The following EYA4 variants were observed in gnomAD, a reference collection of about 807,000 sequenced individuals.
EYA4 encodes the protein EYA transcriptional coactivator and phosphatase 4, also known as protein phosphatase EYA4.
A neutral mutation model predicts 87.9 loss-of-function variants in EYA4; 31 were observed. The observed-to-expected ratio is 0.35, with a 90% CI of 0.27 to 0.48. The LOEUF is 0.48. Among genes scored for constraint, EYA4 ranks in the 20% least tolerant of loss-of-function variants. EYA4 has a pLI of 0.99. For synonymous variants in EYA4, 263 were observed against 270.6 expected, an observed-to-expected ratio of 0.97 and a Z score of 0.28; for missense variants, 678 against 761.4, an observed-to-expected ratio of 0.89 and a Z score of 1.29.
chr6:133,460,002 G>A (rs1170558381), intron 6 of EYA4, among the ~76,000 whole-genome samples: 1 of 152,012 alleles, frequency 6.6e-6, no homozygotes, highest in Admixed American at 6.6e-5. Flanking sequence ...TGTTTGTGAA[G>A]CAGATCACAA....
chr6:133,478,575 T>C (rs1475087090), intron 11 of EYA4, among the ~76,000 whole-genome samples: 2 of 152,126 alleles, frequency 1.3e-5, no homozygotes. Context: ...AAAAAAATTT[T>C]TAAAGAACAG....
At chr6:133,447,881 T>C (rs2128625435) in intron 4 of EYA4, among the ~76,000 whole-genome samples, 1 of 152,308 alleles carries the variant, frequency 6.6e-6, no homozygotes, top group African/African-American at 2.4e-5. Context: ...GTACAAATAA[T>C]AAAATTTAAA....
At chr6:133,361,276 A>T (rs1784430110) in intron 2 of EYA4, among the ~76,000 whole-genome samples, 1 of 152,188 alleles carries the variant, frequency 6.6e-6, no homozygotes, top group Admixed American at 6.5e-5. Flanking sequence ...AATAAAGATA[A>T]TGTCTTTCTT....
intron 19 of EYA4, among the ~76,000 whole-genome samples, chr6:133,527,254 T>G (rs1800716164): frequency 6.6e-6 from 1 of 152,234 alleles, no homozygotes; most frequent in African/African-American, 2.4e-5. Context: ...TTAAGTACTG[T>G]TTTGTTGTTA....
chr6:133,309,460 G>A (rs762488445), intron 2 of EYA4, among the ~76,000 whole-genome samples: 4 of 152,094 alleles, frequency 2.6e-5, no homozygotes, highest in Non-Finnish European at 5.9e-5. Context: ...CAAATGTGGT[G>A]GAAACATATT....
intron 2 of EYA4, among the ~76,000 whole-genome samples, chr6:133,325,696 A>G (rs1011064118): frequency 2.0e-5 from 3 of 152,174 alleles, no homozygotes; most frequent in Admixed American, 2.0e-4. Flanking sequence ...ATATTTCTCT[A>G]AGGCAGGGGT....
chr6:133,407,365 A>G (rs1217090506), intron 3 of EYA4, among the ~76,000 whole-genome samples: 1 of 151,672 alleles, frequency 6.6e-6, no homozygotes, highest in Non-Finnish European at 1.5e-5. Flanking sequence ...TAAATGTTGA[A>G]TGGGAGGATA....
chr6:133,485,605 T>C (rs1231569653), intron 13 of EYA4, among the ~76,000 whole-genome samples: 3 of 152,170 alleles, frequency 2.0e-5, no homozygotes, highest in Non-Finnish European at 4.4e-5. Flanking sequence ...AGGAATGCAA[T>C]AGAAAAGTAA....
intron 17 of EYA4, among the ~76,000 whole-genome samples, chr6:133,516,722 CA>C (rs58268978): frequency 1.4e-3 from 176 of 122,794 alleles, no homozygotes; most frequent in Admixed American, 1.7e-3. Flanking sequence ...GACTCTGTCT[CA>C]AAAAAAAAAA....
chr6:133,292,720 CT>C (rs1374452295), intron 2 of EYA4, among the ~76,000 whole-genome samples: 2 of 152,190 alleles, frequency 1.3e-5, no homozygotes, highest in African/African-American at 4.8e-5. Flanking sequence ...ATTAAAGCAT[CT>C]TTAAACAATA....
rs555226156 is a variant in EYA4 at position 133,499,480 on chromosome 6, C to A, written c.1192-6626C>A. Among the ~76,000 whole-genome samples, 20 of 152,278 alleles carry A rather than the reference C, an allele frequency of 1.3e-4. No homozygotes were observed. In the South Asian group the frequency reaches 4.1e-3, roughly 32 times the overall value. On this transcript the variant is annotated intron_variant, in intron 13 of 19. Coordinates refer to ENST00000355286, the MANE Select transcript of EYA4 (RefSeq NM_004100.5). The stretch of plus-strand genomic sequence containing the variant: ...GTTATTAGTTTAATACATTTGGATT[C>A]CCTTCTGACTGAAACTGTAGAAGCC...
chr6:133,496,992 C>G (rs1335511743), intron 13 of EYA4, among the ~76,000 whole-genome samples: 1 of 152,092 alleles, frequency 6.6e-6, no homozygotes, highest in Non-Finnish European at 1.5e-5. Flanking sequence ...GCATATCTAC[C>G]TGTCTTTCTT....
Position 133,283,382 on chromosome 6 carries a change from A to G in EYA4, c.33+8569A>G, listed in dbSNP as rs568536967. 8.5e-4 allele frequency among the ~76,000 whole-genome samples: 129 copies of G among 152,266 alleles called. 1 individual carries two copies. Among genetic ancestry groups the G allele is most frequent in the Non-Finnish European group, 1.1e-3 (74 of 68,020 alleles). On this transcript the variant is annotated intron_variant, in intron 2 of 19. Coordinates refer to ENST00000355286, the MANE Select transcript of EYA4 (RefSeq NM_004100.5). ...CTTTCATGGTTTAATACTCTTGAGA[A>G]ATAGAAAACATTAATAAATATAATG...
intron 3 of EYA4, among the ~76,000 whole-genome samples, chr6:133,438,764 C>T (rs1036332371): frequency 2.0e-5 from 3 of 151,852 alleles, no homozygotes; most frequent in African/African-American, 4.8e-5. Flanking sequence ...AAGTCTTGGC[C>T]GGGTGCGGTG....
At chr6:133,495,956 C>T (rs192806567) in intron 13 of EYA4, among the ~76,000 whole-genome samples, 159 of 152,256 alleles carry the variant, frequency 1.0e-3, no homozygotes, top group African/African-American at 3.7e-3. Context: ...TGAGAAAAGG[C>T]CATGGTCAAA....
chr6:133,518,674 C>T (rs1478791272), intron 17 of EYA4, among the ~76,000 whole-genome samples: 1 of 152,150 alleles, frequency 6.6e-6, no homozygotes, highest in African/African-American at 2.4e-5. Context: ...ACTTAAGCAA[C>T]TCAATTTAAC....
chr6:133,330,467 A>C (rs2128381619), intron 2 of EYA4, among the ~76,000 whole-genome samples: 1 of 151,794 alleles, frequency 6.6e-6, no homozygotes, highest in South Asian at 2.1e-4. Flanking sequence ...ACATTTTCTA[A>C]CTGATTTTGT....
intron 17 of EYA4, among the ~76,000 whole-genome samples, chr6:133,522,004 T>C (rs1386069575): frequency 6.2e-5 from 8 of 129,398 alleles, no homozygotes; most frequent in Non-Finnish European, 1.3e-4. Context: ...TTGGGAGATA[T>C]ACCTAATGCT....
chr6:133,508,493 C>A (rs1798846269), intron 14 of EYA4, among the ~76,000 whole-genome samples: 1 of 151,822 alleles, frequency 6.6e-6, no homozygotes. Flanking sequence ...TTAGTCTTTT[C>A]AAAGGTATAA....
Sources: allele counts gnomAD v4.1 joint callset (sites outside exome capture counted in the v4.1 genomes callset), GRCh38; gene constraint gnomAD v4.1.1; transcripts MANE v1.5; gene names NCBI Gene and HGNC (gene_info 2026-07-23, HGNC 2026-07-21).